DGCR8: variants seen among roughly 807,000 people sequenced by gnomAD.
DGCR8 encodes the protein DGCR8 microprocessor complex subunit, also known as microprocessor complex subunit DGCR8.
In DGCR8, 14 loss-of-function variants were observed where a neutral mutation model predicts 78.5. That is an observed-to-expected ratio of 0.18 (90% confidence interval 0.12 to 0.28). The LOEUF is 0.28. Ranked by LOEUF, DGCR8 falls within the 10% of genes least tolerant of loss-of-function variation. The pLI is 1.00. For synonymous variants in DGCR8, 399 were observed against 402.4 expected (o/e 0.99, Z 0.10); for missense variants, 702 against 1,022.5 (o/e 0.69, Z 4.28).
Position 20,092,678 on chromosome 22 carries a change from C to T in DGCR8, c.1607-131C>T, listed in dbSNP as rs2049579776. ...AGTCCCAGGGAGCCCCAGGTCTCTG[C>T]AGTCAAGCACAGGCCCACTCTCTGC... On this transcript the variant is annotated intron_variant, in intron 7 of 13. Transcript: ENST00000351989. 9.0e-6 allele frequency: 6 copies of T among 666,416 alleles called. No homozygotes were observed. The South Asian group carries it at 1.2e-4, about 13-fold the overall frequency. 41.3% of individuals were successfully genotyped at this position (666,416 alleles called of 1,614,324 possible). A position where few individuals can be genotyped will look rare whatever the true frequency, so the allele number is the denominator to read the frequency against.
intron 11 of DGCR8, 157 bp downstream of exon 11, chr22:20,106,855 C>T (rs901526482): frequency 1.1e-5 from 7 of 626,558 alleles, no homozygotes; most frequent in Non-Finnish European, 2.0e-5. Flanking sequence ...GGCGGACTGG[C>T]AGCCGTCCTG....
At position 20,087,289 on chromosome 22, in the gene DGCR8, C is replaced by G; in HGVS notation, c.848C>G (p.Pro283Arg). Residue 283 changes from proline to arginine, a missense_variant, in exon 3 of 14, where the codon CCG (proline) becomes CGG (arginine). Around this residue, in one of 4 missense-constraint regions of DGCR8, gnomAD observed 356 missense variants for 448.9 expected, o/e 0.79. Coordinates refer to ENST00000351989, the MANE Select transcript of DGCR8 (RefSeq NM_022720.7). This position sits in a 1 kb window ranked among gnomAD's most constrained non-coding sequence, Gnocchi z 4.1. ...HPSDGETSVQPMMTKIKTVLK... is the reference protein window; with the variant it reads ...HPSDGETSVQRMMTKIKTVLK... ...TCCGATGGAGAGACAAGTGTGCAGCCGATGATGACCAAGATTAAAACAGTG... is the reference window on the plus strand; with the variant it reads ...TCCGATGGAGAGACAAGTGTGCAGCGGATGATGACCAAGATTAAAACAGTG... 6.2e-7 allele frequency: 1 copy of G among 1,612,874 alleles called. No homozygotes were observed. The highest frequency in any genetic ancestry group is 1.1e-5 in the South Asian group (1 of 90,960).
At chr22:20,100,523 G>A (rs1281391434) in intron 9 of DGCR8, 7 of 981,936 alleles carry the variant, frequency 7.1e-6, no homozygotes, top group East Asian at 1.2e-4. Flanking sequence ...TAGGTCTCAC[G>A]CTGCCTTCCT....
rs777187411 is a variant in DGCR8, at chr22:20,086,706, A to G, written c.720+23A>G. On this transcript the variant is annotated intron_variant, in intron 2 of 13. Transcript: ENST00000351989. This position sits in a 1 kb window ranked among gnomAD's most constrained non-coding sequence, Gnocchi z 6.4. ...GAGGTATGTTGGCAGCCCCTCCTCT[A>G]GAGGGCTCTTAGCAAAACCCAAAGA... The G allele has an allele frequency of 3.3e-5, 52 of 1,578,898 alleles. No homozygotes were observed. The highest frequency in any genetic ancestry group is 4.2e-5 in the Non-Finnish European group (49 of 1,167,338).
intron 10 of DGCR8, 60 bp downstream of exon 10, chr22:20,106,337 T>C: frequency 7.1e-7 from 1 of 1,409,002 alleles, no homozygotes; most frequent in South Asian, 1.2e-5. Context: ...CTCTGGCGTC[T>C]CATATTCTTG....
intron 9 of DGCR8, 111 bp from the exon 10 acceptor site, chr22:20,106,066 C>T (rs918070384): frequency 8.9e-6 from 7 of 790,118 alleles, no homozygotes; most frequent in African/African-American, 5.1e-5. Context: ...AAGTGCTAGG[C>T]GAGCTCACAA....
Position 20,086,926 on chromosome 22 carries a change from C to T in DGCR8, c.721-236C>T. 1.4e-6 allele frequency: 1 copy of T among 725,828 alleles called. No individual in the cohort carries two copies. 45.0% of individuals were successfully genotyped at this position (725,828 alleles called of 1,614,324 possible). ...TGCATCCCTGATCTAGCGCGTGGGG[C>T]AGCAGGTGCTGCTGAGTTACGCTCC... On this transcript the variant is annotated intron_variant, in intron 2 of 13. Coordinates refer to ENST00000351989, the MANE Select transcript of DGCR8 (RefSeq NM_022720.7). The surrounding 1 kb of genome is among the most constrained non-coding windows in gnomAD (Gnocchi z 6.4).
chr22:20,100,965 C>A, intron 9 of DGCR8: 2 of 521,882 alleles, frequency 3.8e-6, no homozygotes, highest in Non-Finnish European at 4.9e-6. Context: ...TGGAAATTTG[C>A]TAGGACTCAG....
At chr22:20,096,543 C>T (rs1176685300) in intron 9 of DGCR8, 2 of 945,334 alleles carry the variant, frequency 2.1e-6, no homozygotes, top group Non-Finnish European at 2.5e-6. Context: ...AGTTTACATA[C>T]TATAAATTTG....
chr22:20,098,187 C>T (rs2049653481), intron 9 of DGCR8, among the ~76,000 whole-genome samples: 1 of 151,434 alleles, frequency 6.6e-6, no homozygotes, highest in Non-Finnish European at 1.5e-5. Flanking sequence ...GATGGGGTTT[C>T]ACCATATTGC....
chr22:20,107,556 G>T (rs1436245400), intron 12 of DGCR8, 158 bp downstream of exon 12: 6 of 848,042 alleles, frequency 7.1e-6, no homozygotes, highest in Non-Finnish European at 1.1e-5. Flanking sequence ...GGCAGGGGTG[G>T]GGTCGTCCCA....
intron 10 of DGCR8, 92 bp from the exon 11 acceptor site, chr22:20,106,500 C>T: frequency 3.0e-6 from 3 of 991,444 alleles, no homozygotes. Flanking sequence ...GAGGCTTGGT[C>T]ATTTCCTAAG....
chr22:20,094,716 G>T lies in DGCR8; in HGVS notation c.1709G>T (p.Arg570Leu). ...CTCGGGCTCTTTTTTTTCATAGCCC[G>T]AGCTACACTGGAAATCCTCATCCCT... ...SKKLAKNKAA[R>L]ATLEILIPDF... Residue 570 changes from arginine to leucine, a missense_variant, in exon 9 of 14, where the codon CGA (arginine) becomes CTA (leucine). Coordinates refer to ENST00000351989, the MANE Select transcript of DGCR8 (RefSeq NM_022720.7). The T allele has an allele frequency of 1.2e-6, 2 of 1,613,896 alleles. No individual in the cohort carries two copies. The highest frequency in any genetic ancestry group is 1.7e-5 in the Admixed American group (1 of 60,006).
At chr22:20,095,390 G>A (rs2049616509) in intron 9 of DGCR8, among the ~76,000 whole-genome samples, 2 of 152,176 alleles carry the variant, frequency 1.3e-5, no homozygotes, top group Non-Finnish European at 2.9e-5. Flanking sequence ...ACAGGCATTA[G>A]CCACTGCGCC....
intron 13 of DGCR8, 189 bp downstream of exon 13, chr22:20,109,192 T>G: frequency 2.1e-6 from 1 of 477,630 alleles, no homozygotes; most frequent in Non-Finnish European, 3.9e-6. Flanking sequence ...TCACTTCAGT[T>G]TTGGTTCTGT....
At chr22:20,109,034 G>T in intron 13 of DGCR8, 31 bp downstream of exon 13, 1 of 1,186,866 alleles carries the variant, frequency 8.4e-7, no homozygotes, top group Non-Finnish European at 1.3e-6. Context: ...AGGGCTGCCG[G>T]GCCACGGCCA....
intron 12 of DGCR8, 115 bp from the exon 13 acceptor site, chr22:20,108,775 C>CTGCCAGACACTGGGCGCGCCTACCT: frequency 4.9e-6 from 1 of 202,642 alleles, no homozygotes; most frequent in South Asian, 4.5e-5. Context: ...TGTTTCGTGT[C>CTGCCAGACACTGGGCGCGCCTACCT]TGCCAGACCC....
At chr22:20,106,462 C>T in intron 10 of DGCR8, 130 bp from the exon 11 acceptor site, 1 of 833,834 alleles carries the variant, frequency 1.2e-6, no homozygotes. Context: ...GGAGAATTCC[C>T]TCCTCTGGCT....
rs1436597713 is a variant in DGCR8, at chr22:20,085,740, G to A, written c.-224G>A. On this transcript the variant is annotated 5_prime_UTR_variant, in exon 2 of 14. Transcript: ENST00000351989. The surrounding 1 kb of genome is among the most constrained non-coding windows in gnomAD (Gnocchi z 6.2). ...TGAAGACAGACTCGCTTAGTCGCCA[G>A]TCACTTAAGCTGAGTGCATTGTGAT... The A allele has an allele frequency of 8.1e-6, 11 of 1,363,266 alleles. No individual in the cohort carries two copies. Among genetic ancestry groups the A allele is most frequent in the Non-Finnish European group, 1.0e-5 (11 of 1,063,162 alleles). The allele number at this position is 1,363,266 out of a possible 1,614,324, so 84.4% of individuals were successfully genotyped here.
Sources: allele counts gnomAD v4.1 joint callset (sites outside exome capture counted in the v4.1 genomes callset), GRCh38; gene constraint gnomAD v4.1.1; regional missense constraint gnomAD v4.1.1; non-coding constraint Gnocchi (gnomAD v3.1); transcripts MANE v1.5; gene names NCBI Gene and HGNC (gene_info 2026-07-23, HGNC 2026-07-21).